STAG1: variants seen among roughly 807,000 people sequenced by gnomAD.
STAG1 encodes the protein cohesin subunit SA-1.
Under a neutral mutation model 170.9 loss-of-function variants are expected in STAG1, and 26 were observed. The observed-to-expected ratio is 0.15, with a 90% CI of 0.11 to 0.21. The LOEUF is 0.21. Among genes scored for constraint, STAG1 ranks in the 10% least tolerant of loss-of-function variants. The probability of loss-of-function intolerance (pLI) is 1.00; values close to 1 mark genes in which losing one functional copy is unlikely to be tolerated. For synonymous variants in STAG1, 514 were observed against 497.7 expected (o/e 1.03, Z -0.44); for missense variants, 964 against 1,509.5 (o/e 0.64, Z 5.99).
intron 5 of STAG1, among the ~76,000 whole-genome samples, chr3:136,542,783 A>G (rs1419050951): frequency 1.3e-5 from 2 of 152,130 alleles, no homozygotes; most frequent in Non-Finnish European, 2.9e-5. Context: ...GGTGCTTACT[A>G]TCTCCCAGGC....
intron 21 of STAG1, among the ~76,000 whole-genome samples, chr3:136,400,821 A>T (rs1231935747): frequency 1.3e-5 from 2 of 152,206 alleles, no homozygotes; most frequent in Non-Finnish European, 2.9e-5. Flanking sequence ...GGTGTGAGCC[A>T]CCGTGCCTGG....
chr3:136,484,641 GC>G (rs2089964876), intron 9 of STAG1, among the ~76,000 whole-genome samples: 2 of 150,424 alleles, frequency 1.3e-5, no homozygotes, highest in South Asian at 4.3e-4. Flanking sequence ...GTTTACCTAA[GC>G]AAGCCTGGGC....
chr3:136,650,853 T>C (rs1375879725), intron 1 of STAG1, among the ~76,000 whole-genome samples: 5 of 151,438 alleles, frequency 3.3e-5, no homozygotes, highest in Non-Finnish European at 7.4e-5. Context: ...CTGAATGTGG[T>C]GGCCTAAAAA....
chr3:136,684,630 A>C (rs1293169479), intron 1 of STAG1, among the ~76,000 whole-genome samples: 3 of 152,012 alleles, frequency 2.0e-5, no homozygotes, highest in Admixed American at 2.0e-4. Flanking sequence ...ATGTGCCTGC[A>C]GTCCCAGCTA....
intron 14 of STAG1, among the ~76,000 whole-genome samples, chr3:136,444,397 C>A (rs1656995465): frequency 6.6e-6 from 1 of 152,126 alleles, no homozygotes; most frequent in South Asian, 2.1e-4. Context: ...TCTAATGAAG[C>A]TTTTCAGGGA....
intron 16 of STAG1, among the ~76,000 whole-genome samples, chr3:136,428,258 T>C (rs1173194275): frequency 1.3e-5 from 2 of 152,166 alleles, no homozygotes; most frequent in East Asian, 1.9e-4. Flanking sequence ...AGGGAAAAGA[T>C]AAACATCAGC....
chr3:136,676,996 A>G (rs879852882), intron 1 of STAG1, among the ~76,000 whole-genome samples: 10 of 152,144 alleles, frequency 6.6e-5, no homozygotes, highest in African/African-American at 1.9e-4. Context: ...TTCTTCAGGA[A>G]CAGTAACACC....
intron 4 of STAG1, among the ~76,000 whole-genome samples, chr3:136,574,343 T>C (rs888388254): frequency 4.7e-5 from 7 of 148,962 alleles, no homozygotes; most frequent in South Asian, 2.1e-4. Context: ...TGTGTGTGTA[T>C]ACACACACAC....
At chr3:136,685,346 CAAACA>C (rs1942481616) in intron 1 of STAG1, among the ~76,000 whole-genome samples, 3 of 147,416 alleles carry the variant, frequency 2.0e-5, no homozygotes, top group Non-Finnish European at 4.6e-5. Flanking sequence ...AACAAACAAA[CAAACA>C]AAAGCCCTCA....
At chr3:136,603,236 G>A (rs1938760369) in intron 4 of STAG1, among the ~76,000 whole-genome samples, 1 of 151,374 alleles carries the variant, frequency 6.6e-6, no homozygotes, top group Non-Finnish European at 1.5e-5. Context: ...CTGTACCCCA[G>A]GCTGGAGTGC....
chr3:136,465,096 G>C (rs936397349), intron 12 of STAG1, 108 bp from the exon 13 acceptor site: 1 of 658,170 alleles, frequency 1.5e-6, no homozygotes, highest in African/African-American at 1.9e-5. Context: ...CTTAATAATT[G>C]TTGTCTCATC....
At chr3:136,689,534 A>T (rs907698093) in intron 1 of STAG1, among the ~76,000 whole-genome samples, 1 of 152,192 alleles carries the variant, frequency 6.6e-6, no homozygotes, top group Non-Finnish European at 1.5e-5. Flanking sequence ...ATCAGGTCCA[A>T]ATCATAGTTT....
At chr3:136,692,746 T>C (rs140377957) in intron 1 of STAG1, among the ~76,000 whole-genome samples, 8 of 152,240 alleles carry the variant, frequency 5.3e-5, no homozygotes, top group South Asian at 4.1e-4. Flanking sequence ...ATTGGGAGAA[T>C]AGAAGTCTTA....
intron 26 of STAG1, among the ~76,000 whole-genome samples, chr3:136,362,934 T>G (rs112109705): frequency 6.8e-4 from 103 of 152,190 alleles, no homozygotes; most frequent in African/African-American, 2.4e-3. Flanking sequence ...TTTTTATATA[T>G]GCACATATCA....
intron 7 of STAG1, among the ~76,000 whole-genome samples, chr3:136,515,594 G>A (rs902736605): frequency 2.0e-5 from 3 of 152,116 alleles, no homozygotes; most frequent in African/African-American, 4.8e-5. Flanking sequence ...ATAAATTCAA[G>A]ATATGTAATG....
At chr3:136,527,448 C>A (rs1935099550) in intron 6 of STAG1, among the ~76,000 whole-genome samples, 1 of 152,140 alleles carries the variant, frequency 6.6e-6, no homozygotes, top group African/African-American at 2.4e-5. Flanking sequence ...CTCCATCACA[C>A]CATTTAAGGA....
At chr3:136,451,864 A>C (rs557427889) in intron 14 of STAG1, among the ~76,000 whole-genome samples, 169 bp downstream of exon 14, 1 of 152,300 alleles carries the variant, frequency 6.6e-6, no homozygotes, top group Non-Finnish European at 1.5e-5. Flanking sequence ...ATATATTCAG[A>C]ACACCTTTCC....
chr3:136,414,841 T>C (rs2087727664), intron 21 of STAG1, among the ~76,000 whole-genome samples: 1 of 152,172 alleles, frequency 6.6e-6, no homozygotes, highest in Non-Finnish European at 1.5e-5. Context: ...CACTTGAACA[T>C]TAAGGAACAT....
intron 1 of STAG1, among the ~76,000 whole-genome samples, chr3:136,722,656 TC>T (rs1188854929): frequency 2.5e-5 from 3 of 119,216 alleles, no homozygotes; most frequent in Admixed American, 8.7e-5. Context: ...CTCTCCCCTC[TC>T]CCTTCTCCCC....
Sources: gnomAD v4.1 joint callset for allele counts (sites outside exome capture counted in the v4.1 genomes callset) on GRCh38, gnomAD v4.1.1 for gene constraint, MANE v1.5 for transcripts, NCBI Gene and HGNC (gene_info 2026-07-23, HGNC 2026-07-21) for gene names.